The following CNTNAP5 variants were observed in gnomAD, a reference collection of about 807,000 sequenced individuals.
The protein encoded by CNTNAP5 is contactin associated protein family member 5, also known as contactin-associated protein-like 5.
Under a neutral mutation model 150.2 loss-of-function variants are expected in CNTNAP5, and 72 were observed. The ratio of observed to expected loss-of-function variants is 0.48; its 90% confidence interval spans 0.40 to 0.58. CNTNAP5 has a LOEUF of 0.58. Ranked by LOEUF, CNTNAP5 falls within the 20% of genes least tolerant of loss-of-function variation. The pLI is 0.00. For synonymous variants in CNTNAP5, 672 were observed against 619.8 expected, an observed-to-expected ratio of 1.08 and a Z score of -1.25; for missense variants, 1,636 against 1,626.2, an observed-to-expected ratio of 1.01 and a Z score of -0.10.
chr2:124,439,481 G>A (rs1043348946), intron 5 of CNTNAP5, among the ~76,000 whole-genome samples: 3 of 152,122 alleles, frequency 2.0e-5, no homozygotes, highest in Non-Finnish European at 2.9e-5. Context: ...TAATGTTTTC[G>A]AAGATAGCAA....
intron 13 of CNTNAP5, among the ~76,000 whole-genome samples, chr2:124,701,260 A>T (rs2105090079): frequency 6.6e-6 from 1 of 152,262 alleles, no homozygotes; most frequent in Admixed American, 6.5e-5. Context: ...TCTACCTATA[A>T]GTGAGATCAT....
intron 11 of CNTNAP5, among the ~76,000 whole-genome samples, chr2:124,584,788 C>T (rs928098196): frequency 6.6e-6 from 1 of 152,122 alleles, no homozygotes; most frequent in African/African-American, 2.4e-5. Flanking sequence ...TAGGATAGCC[C>T]TTATTACTCT....
intron 13 of CNTNAP5, among the ~76,000 whole-genome samples, chr2:124,707,706 T>A (rs935244719): frequency 6.6e-6 from 1 of 152,176 alleles, no homozygotes; most frequent in African/African-American, 2.4e-5. Context: ...CTAACAAACC[T>A]AACACCTCTC....
chr2:124,576,488 A>G (rs1374716871), intron 11 of CNTNAP5, among the ~76,000 whole-genome samples: 1 of 152,194 alleles, frequency 6.6e-6, no homozygotes, highest in Non-Finnish European at 1.5e-5. Flanking sequence ...GATTAGGGAT[A>G]CCTGCAGCTC....
intron 1 of CNTNAP5, among the ~76,000 whole-genome samples, chr2:124,195,414 C>T (rs973584036): frequency 3.9e-5 from 6 of 152,148 alleles, no homozygotes; most frequent in Non-Finnish European, 7.3e-5. Flanking sequence ...GTCTAAGAGC[C>T]GTGAGCCAGA....
chr2:124,029,173 G>A (rs914585707), intron 1 of CNTNAP5, among the ~76,000 whole-genome samples: 1 of 152,000 alleles, frequency 6.6e-6, no homozygotes, highest in Non-Finnish European at 1.5e-5. Flanking sequence ...TTCATCATAT[G>A]TAGAATTTCA....
At chr2:124,753,592 T>C (rs4848259) in intron 14 of CNTNAP5, among the ~76,000 whole-genome samples, 91,737 of 152,128 alleles carry the variant, frequency 0.6, 28,531 homozygotes, top group East Asian at 0.96. Flanking sequence ...CCCGGATTAT[T>C]TCATTTACCA....
At chr2:124,235,064 G>C (rs1047288434) in intron 2 of CNTNAP5, among the ~76,000 whole-genome samples, 3 of 152,116 alleles carry the variant, frequency 2.0e-5, no homozygotes, top group Non-Finnish European at 2.9e-5. Flanking sequence ...AGACAGAGGG[G>C]AAAGCTAGCA....
In CNTNAP5 at chr2:124,592,375, A is replaced by ATGTGTG. The variant is rs10675321; in HGVS notation, c.1757-17412_1757-17407dup. 2.8e-3 allele frequency among the ~76,000 whole-genome samples: 423 copies of ATGTGTG among 149,828 alleles called. 1 individual carries two copies. The highest frequency in any genetic ancestry group is 8.2e-3 in the East Asian group (41 of 4,998). The stretch of plus-strand genomic sequence containing the variant: ...TATATGTATACGTGTGTATATATAT[A>ATGTGTG]TGTGTGTGTGTGTGTGTGTATCAAA... On this transcript the variant is annotated intron_variant, in intron 11 of 23. Coordinates refer to ENST00000682447, the MANE Select transcript of CNTNAP5 (RefSeq NM_001367498.1).
rs536700015 is a variant in CNTNAP5, at chr2:124,838,103, T to C, written c.3218-27203T>C. 1.0e-3 allele frequency among the ~76,000 whole-genome samples: 155 copies of C among 152,290 alleles called. 1 individual carries two copies. In the South Asian group the frequency reaches 0.031, roughly 31 times the overall value. On this transcript the variant is annotated intron_variant, in intron 19 of 23. Transcript: ENST00000682447. ...ATTCTTTGTAGAATGTCTGCAAATG[T>C]AGCTTCAGAGGGATTAAAAAATAAT...
At position 124,523,363 on chromosome 2, in the gene CNTNAP5, T is replaced by G. The variant is rs140080019; in HGVS notation, c.1328-940T>G. On this transcript the variant is annotated intron_variant, in intron 8 of 23. Coordinates refer to ENST00000682447, the MANE Select transcript of CNTNAP5 (RefSeq NM_001367498.1). ...TACAATTTAGAATTGTGTGGCTGTG[T>G]GCTCTTGCCACAGAAAGTCTTTGTG... 7.2e-3 allele frequency among the ~76,000 whole-genome samples: 1,092 copies of G among 152,346 alleles called. 10 individuals carry two copies. The highest frequency in any genetic ancestry group is 0.025 in the African/African-American group (1,041 of 41,590).
intron 2 of CNTNAP5, among the ~76,000 whole-genome samples, chr2:124,240,479 A>T (rs1221920545): frequency 6.6e-6 from 1 of 152,140 alleles, no homozygotes; most frequent in Non-Finnish European, 1.5e-5. Context: ...AACTGCCATT[A>T]AGCCATGCAC....
chr2:124,833,289 A>G (rs1390788788), intron 19 of CNTNAP5, among the ~76,000 whole-genome samples: 2 of 152,136 alleles, frequency 1.3e-5, no homozygotes, highest in Non-Finnish European at 2.9e-5. Flanking sequence ...AACTAGCTGA[A>G]TAAAACTCAG....
At chr2:124,603,092 C>A (rs561743629) in intron 11 of CNTNAP5, among the ~76,000 whole-genome samples, 1 of 118,974 alleles carries the variant, frequency 8.4e-6, no homozygotes, top group South Asian at 2.9e-4. Context: ...CTCATCTTTT[C>A]TTTAATGTGT....
intron 1 of CNTNAP5, among the ~76,000 whole-genome samples, chr2:124,046,090 A>G (rs924238695): frequency 1.3e-5 from 2 of 152,164 alleles, no homozygotes; most frequent in African/African-American, 2.4e-5. Flanking sequence ...GGAGGAGGGG[A>G]CAGCTTTATT....
intron 3 of CNTNAP5, among the ~76,000 whole-genome samples, chr2:124,329,051 A>C (rs2104677947): frequency 6.6e-6 from 1 of 152,312 alleles, no homozygotes; most frequent in Non-Finnish European, 1.5e-5. Flanking sequence ...GAAGGGTAAT[A>C]AATGATTGCT....
At chr2:124,547,029 G>A (rs988545459) in intron 10 of CNTNAP5, among the ~76,000 whole-genome samples, 2 of 152,130 alleles carry the variant, frequency 1.3e-5, no homozygotes, top group African/African-American at 4.8e-5. Context: ...AGAAAAGGGA[G>A]GGAGCAGAAT....
chr2:124,387,012 T>C (rs1484156768), intron 3 of CNTNAP5, among the ~76,000 whole-genome samples: 1 of 152,216 alleles, frequency 6.6e-6, no homozygotes, highest in African/African-American at 2.4e-5. Flanking sequence ...TGGTTATCTC[T>C]AAATGGTGAA....
In CNTNAP5 at chr2:124,655,356, G is replaced by C. The variant is rs539313560; in HGVS notation, c.2077+7398G>C. 2.5e-4 allele frequency among the ~76,000 whole-genome samples: 38 copies of C among 152,100 alleles called. No homozygotes were observed. The East Asian group carries it at 7.2e-3, about 29-fold the overall frequency. On this transcript the variant is annotated intron_variant, in intron 13 of 23. Coordinates refer to ENST00000682447, the MANE Select transcript of CNTNAP5 (RefSeq NM_001367498.1). ...TTTTTATGGCTGCATAGTATTCCAT[G>C]GTGTATATGTGCCACATTTTCTTAA...
Sources: gnomAD v4.1 joint callset for allele counts (sites outside exome capture counted in the v4.1 genomes callset) on GRCh38, gnomAD v4.1.1 for gene constraint, MANE v1.5 for transcripts, NCBI Gene and HGNC (gene_info 2026-07-23, HGNC 2026-07-21) for gene names.